CYP2U1: variants seen among roughly 807,000 people sequenced by gnomAD.
The protein encoded by CYP2U1 is cytochrome P450 family 2 subfamily U member 1, also known as cytochrome P450 2U1.
A neutral mutation model predicts 42.8 loss-of-function variants in CYP2U1; 28 were observed. The observed-to-expected ratio is 0.65, with a 90% confidence interval of 0.48 to 0.90. CYP2U1 has a LOEUF of 0.90. Among genes scored for constraint, CYP2U1 ranks in the 40% least tolerant of loss-of-function variants. The pLI, the probability that CYP2U1 is intolerant of heterozygous loss-of-function variation, is 0.00. For missense variants in CYP2U1, 642 were observed against 693.8 expected (o/e 0.93, Z 0.84); for synonymous variants, 296 against 278.9 (o/e 1.06, Z -0.61).
intron 1 of CYP2U1, among the ~76,000 whole-genome samples, chr4:107,942,222 G>A (rs1055405559): frequency 1.3e-4 from 20 of 152,174 alleles, no homozygotes; most frequent in Non-Finnish European, 2.9e-4. Context: ...GATGGGGCCT[G>A]GGGGTGAACC....
chr4:107,945,460 G>T lies in CYP2U1; in HGVS notation c.981G>T (p.Glu327Asp). 1 of 1,614,090 alleles carries T rather than the reference G, an allele frequency of 6.2e-7. No homozygotes were observed. Among genetic ancestry groups the T allele is most frequent in the South Asian group, 1.1e-5 (1 of 91,082 alleles). The change falls in exon 2 of 5, where the codon GAG becomes GAT. Residue 327 changes from glutamate to aspartate, a missense_variant. Glu to Asp is a conservative substitution (Grantham distance 45, BLOSUM62 2). Transcript: ENST00000332884. ...ACATGTACCTTCTCCACATGGAAGA[G>T]GAGAGGAAAAATAATAGTAACAGCA... Reference protein sequence around the residue: ...FIDMYLLHMEEERKNNSNSSF... With the variant: ...FIDMYLLHMEDERKNNSNSSF...
chr4:107,949,609 T>A, intron 4 of CYP2U1, 92 bp downstream of exon 4: 1 of 1,160,344 alleles, frequency 8.6e-7, no homozygotes, highest in Non-Finnish European at 1.1e-6. Context: ...AAATGTTTCT[T>A]TCTTGGCAAG....
intron 3 of CYP2U1, among the ~76,000 whole-genome samples, chr4:107,948,260 T>TAA (rs1733776693): frequency 1.9e-5 from 1 of 52,582 alleles, no homozygotes; most frequent in African/African-American, 8.5e-5. Flanking sequence ...AGCCTCTGTC[T>TAA]CAAAAAAAAA....
rs1162218622 is a variant in CYP2U1, at chr4:107,931,839, T to G, written c.196T>G (p.Trp66Gly). Residue 66 changes from tryptophan to glycine, a missense_variant, in exon 1 of 5, where the codon TGG becomes GGG. Physicochemically the swap from Trp to Gly is radical, Grantham distance 184 (BLOSUM62 -2). Transcript: ENST00000332884. ...ARGIPPGPTP[W>G]PLVGNFGHVL... ...GGGCATCCCGCCCGGGCCCACGCCC[T>G]GGCCTCTGGTGGGCAACTTCGGTCA... 1 of 1,539,970 alleles carries G rather than the reference T, an allele frequency of 6.5e-7. No homozygotes were observed. Among genetic ancestry groups the G allele is most frequent in the Non-Finnish European group, 8.8e-7 (1 of 1,141,446 alleles).
At chr4:107,939,497 A>G (rs1313218462) in intron 1 of CYP2U1, among the ~76,000 whole-genome samples, 1 of 152,240 alleles carries the variant, frequency 6.6e-6, no homozygotes, top group Non-Finnish European at 1.5e-5. Flanking sequence ...TTGAAATGAA[A>G]TGACACATCT....
At chr4:107,939,259 C>T (rs1379655326) in intron 1 of CYP2U1, 1 of 152,078 alleles carries the variant, frequency 6.6e-6, no homozygotes, top group Non-Finnish European at 1.5e-5. Flanking sequence ...AAGAGGAGGC[C>T]CACCAACACT....
chr4:107,941,895 C>G (rs1294185798), intron 1 of CYP2U1, among the ~76,000 whole-genome samples: 1 of 152,088 alleles, frequency 6.6e-6, no homozygotes, highest in Non-Finnish European at 1.5e-5. Flanking sequence ...AAGACAAATA[C>G]AGCATGAGAA....
intron 1 of CYP2U1, among the ~76,000 whole-genome samples, chr4:107,939,533 G>A (rs1362383323): frequency 6.6e-6 from 1 of 152,180 alleles, no homozygotes; most frequent in African/African-American, 2.4e-5. Flanking sequence ...AACATCTGAA[G>A]ACAAAGTGGC....
intron 1 of CYP2U1, chr4:107,937,973 A>T (rs1048142238): frequency 1.3e-5 from 2 of 152,200 alleles, no homozygotes; most frequent in Non-Finnish European, 2.9e-5. Context: ...GTGAGAATGT[A>T]TCAATGTCAA....
At chr4:107,938,633 G>A (rs1372300126) in intron 1 of CYP2U1, 1 of 152,082 alleles carries the variant, frequency 6.6e-6, no homozygotes, top group East Asian at 1.9e-4. Context: ...CTTCCTGTTT[G>A]TTCATTCCAT....
intron 3 of CYP2U1, among the ~76,000 whole-genome samples, chr4:107,948,014 T>G (rs1733763320): frequency 6.6e-6 from 1 of 152,190 alleles, no homozygotes; most frequent in Non-Finnish European, 1.5e-5. Flanking sequence ...ACACCTGTAA[T>G]CCCAGAATTT....
At chr4:107,948,624 C>A (rs1199714966) in intron 3 of CYP2U1, among the ~76,000 whole-genome samples, 3 of 152,022 alleles carry the variant, frequency 2.0e-5, no homozygotes, top group Non-Finnish European at 4.4e-5. Context: ...GTTAGAAGAG[C>A]CCATCTTTTT....
chr4:107,931,742 C>CG lies in CYP2U1; in HGVS notation c.104dup (p.Ala36ArgfsTer62). ...TGGGGCTGCTGCGGCTGGACCCCAG[C>CG]GGGGGCGCGCTGCTGCTATGCGGCC... On this transcript the variant is annotated frameshift_variant, in exon 1 of 5. Coordinates refer to ENST00000332884, the MANE Select transcript of CYP2U1 (RefSeq NM_183075.3). LOFTEE classifies it high-confidence loss of function. The CG allele has an allele frequency of 2.8e-6, 4 of 1,421,980 alleles. No individual in the cohort carries two copies. Among genetic ancestry groups the CG allele is most frequent in the Admixed American group, 3.1e-5 (1 of 32,394 alleles). The allele number at this position is 1,421,980 out of a possible 1,614,324, so 88.1% of individuals were successfully genotyped here.
Position 107,949,491 on chromosome 4 carries a change from A to C in CYP2U1, c.1430A>C (p.Lys477Thr). Residue 477 changes from lysine to threonine, a missense_variant, in exon 4 of 5, where the codon AAA becomes ACA. Physicochemically the swap from Lys to Thr is moderately conservative, Grantham distance 78. Coordinates refer to ENST00000332884, the MANE Select transcript of CYP2U1 (RefSeq NM_183075.3). ...GATGACCAAGGACAACTAATTAAAA[A>C]AGAAACCTTTATTCCTTTTGGGATA... ...FLDDQGQLIKKETFIPFGIGK... is the reference protein window; with the variant it reads ...FLDDQGQLIKTETFIPFGIGK... 1 of 1,597,930 alleles carries C rather than the reference A, an allele frequency of 6.3e-7. No individual in the cohort carries two copies. The highest frequency in any genetic ancestry group is 8.5e-7 in the Non-Finnish European group (1 of 1,173,162).
In CYP2U1 at chr4:107,951,212, A is replaced by G. The variant is rs1733895479; in HGVS notation, c.*789A>G. The G allele has an allele frequency of 6.6e-6, 1 of 152,216 alleles. No individual in the cohort carries two copies. The highest frequency in any genetic ancestry group is 2.1e-4 in the South Asian group (1 of 4,836). 9.4% of individuals were successfully genotyped at this position (152,216 alleles called of 1,614,324 possible). On this transcript the variant is annotated 3_prime_UTR_variant, in exon 5 of 5. Transcript: ENST00000332884. ...GAACAGTGAGCCTTGCTACTTCTTT[A>G]GTAGCTTCTTGGCAGAATTCCTTTC... is the stretch of plus-strand genomic sequence containing the variant.
At chr4:107,933,645 TC>T (rs952011798) in intron 1 of CYP2U1, among the ~76,000 whole-genome samples, 4 of 152,208 alleles carry the variant, frequency 2.6e-5, no homozygotes, top group Non-Finnish European at 5.9e-5. Flanking sequence ...GGGGATTCCT[TC>T]CAGGACCTCC....
rs190255112 is a variant in CYP2U1, at chr4:107,951,765, A to G, written c.*1342A>G. ...GCATAGCAGTCATATGAGCAACCAC[A>G]TTCCTGAACCTTTCCTCATGCTGGC... On this transcript the variant is annotated 3_prime_UTR_variant, in exon 5 of 5. Coordinates refer to ENST00000332884, the MANE Select transcript of CYP2U1 (RefSeq NM_183075.3). 7.9e-5 allele frequency: 12 copies of G among 151,978 alleles called. No homozygotes were observed. Among genetic ancestry groups the G allele is most frequent in the African/African-American group, 2.7e-4 (11 of 41,412 alleles). 9.4% of individuals were successfully genotyped at this position (151,978 alleles called of 1,614,324 possible). A position where few individuals can be genotyped will look rare whatever the true frequency, so the allele number is the denominator to read the frequency against.
At chr4:107,934,714 A>G (rs559333071) in intron 1 of CYP2U1, among the ~76,000 whole-genome samples, 1 of 152,152 alleles carries the variant, frequency 6.6e-6, no homozygotes, top group South Asian at 2.1e-4. Context: ...TACTCTAGAC[A>G]CACTAAGCTG....
At chr4:107,945,997 C>T (rs554276880) in intron 2 of CYP2U1, among the ~76,000 whole-genome samples, 42 of 152,260 alleles carry the variant, frequency 2.8e-4, no homozygotes, top group Admixed American at 2.0e-4. Context: ...GCTAGTTCTA[C>T]CACCTAGTCC....
Sources: allele counts gnomAD v4.1 joint callset (sites outside exome capture counted in the v4.1 genomes callset), GRCh38; gene constraint gnomAD v4.1.1; transcripts MANE v1.5; gene names NCBI Gene and HGNC (gene_info 2026-07-23, HGNC 2026-07-21).